The following TAP2 variants were observed in gnomAD, a reference collection of about 807,000 sequenced individuals.
The protein encoded by TAP2 is transporter 2, ATP binding cassette subfamily B member.
In TAP2, 49 loss-of-function variants were observed where a neutral mutation model predicts 74.7. The observed-to-expected ratio is 0.66, with a 90% CI of 0.52 to 0.83. The LOEUF is 0.83. Ranked by LOEUF, TAP2 falls within the 40% of genes least tolerant of loss-of-function variation. The pLI is 0.00. For synonymous variants in TAP2, 306 were observed against 368.4 expected, an observed-to-expected ratio of 0.83 and a Z score of 1.94; for missense variants, 739 against 859.0, an observed-to-expected ratio of 0.86 and a Z score of 1.75.
rs367873759 is a variant in TAP2 at position 32,835,044 on chromosome 6, G to A, written c.945+110C>T. On this transcript the variant is annotated intron_variant, in intron 5 of 11. Coordinates refer to ENST00000374897, the MANE Select transcript of TAP2 (RefSeq NM_001290043.2). This position sits in a 1 kb window ranked among gnomAD's most constrained non-coding sequence, Gnocchi z 4.0. The stretch of plus-strand genomic sequence containing the variant: ...ACTACAATATACCTTCTCCCCTAAT[G>A]GCTGAGAAGAGAACATCTCTCTCTA... The A allele has an allele frequency of 2.6e-6, 3 of 1,158,760 alleles. No homozygotes were observed. Among genetic ancestry groups the A allele is most frequent in the South Asian group, 1.3e-5 (1 of 77,342 alleles). The allele number at this position is 1,158,760 out of a possible 1,614,324, so 71.8% of individuals were successfully genotyped here.
chr6:32,838,526 A>G (rs567643862), intron 1 of TAP2, 127 bp downstream of exon 1: 10 of 372,108 alleles, frequency 2.7e-5, no homozygotes, highest in Non-Finnish European at 4.3e-5. Context: ...GCGGCGAGCT[A>G]AGTGGTCCGG....
chr6:32,832,910 T>G lies in TAP2; in HGVS notation c.946-86A>C, dbSNP rs562825799. 1.4e-6 allele frequency: 2 copies of G among 1,433,620 alleles called. No individual in the cohort carries two copies. The highest frequency in any genetic ancestry group is 2.3e-5 in the South Asian group (2 of 86,490). The allele number at this position is 1,433,620 out of a possible 1,614,324, so 88.8% of individuals were successfully genotyped here. ...TTACTCCAGCCAGTGAGATGCTCCC[T>G]AGTCTACCTAAAAATACCAAACTGT... On this transcript the variant is annotated intron_variant, in intron 5 of 11. Coordinates refer to ENST00000374897, the MANE Select transcript of TAP2 (RefSeq NM_001290043.2). This position sits in a 1 kb window ranked among gnomAD's most constrained non-coding sequence, Gnocchi z 5.9.
chr6:32,829,680 C>G (rs942337003), intron 10 of TAP2, 144 bp from the exon 11 acceptor site: 30 of 1,362,590 alleles, frequency 2.2e-5, no homozygotes, highest in Non-Finnish European at 3.1e-5. Context: ...GGGAGGAGGG[C>G]CATGGGGTGG....
In TAP2 at chr6:32,827,685, C is replaced by G. The variant is rs187562510; in HGVS notation, c.*1221G>C. The G allele has an allele frequency of 5.4e-6, 5 of 934,252 alleles. No homozygotes were observed. Among genetic ancestry groups the G allele is most frequent in the Non-Finnish European group, 5.1e-6 (4 of 784,266 alleles). The allele number at this position is 934,252 out of a possible 1,614,324, so 57.9% of individuals were successfully genotyped here. A position where few individuals can be genotyped will look rare whatever the true frequency, so the allele number is the denominator to read the frequency against. On this transcript the variant is annotated 3_prime_UTR_variant, in exon 12 of 12. Coordinates refer to ENST00000374897, the MANE Select transcript of TAP2 (RefSeq NM_001290043.2). ...GGTGTTGGGGAAGGCAGAAGTTTGT[C>G]GTGGAGCTGGATACAACAGGAGAGG...
At position 32,835,505 on chromosome 6, in the gene TAP2, C is replaced by T. The variant is rs1769357503; in HGVS notation, c.739+138G>A. The T allele has an allele frequency of 2.7e-6, 4 of 1,464,120 alleles. No individual in the cohort carries two copies. Among genetic ancestry groups the T allele is most frequent in the Non-Finnish European group, 3.8e-6 (4 of 1,060,644 alleles). 90.7% of individuals were successfully genotyped at this position (1,464,120 alleles called of 1,614,324 possible). A position where few individuals can be genotyped will look rare whatever the true frequency, so the allele number is the denominator to read the frequency against. On this transcript the variant is annotated intron_variant, in intron 4 of 11. Transcript: ENST00000374897. This position sits in a 1 kb window ranked among gnomAD's most constrained non-coding sequence, Gnocchi z 4.0. ...CAGAGGGACAGTGGAGGCTGCTTCTCCACCCTGTCCCAAACAAGAGAAAAG... is the reference window on the plus strand; with the variant it reads ...CAGAGGGACAGTGGAGGCTGCTTCTTCACCCTGTCCCAAACAAGAGAAAAG...
chr6:32,837,630 T>G lies in TAP2; in HGVS notation c.515A>C (p.Tyr172Ser), dbSNP rs777069495. The change falls in exon 3 of 12, where the codon TAT becomes TCT. Residue 172 changes from tyrosine to serine, a missense_variant. Tyr to Ser is a moderately radical substitution (Grantham distance 144). Transcript: ENST00000374897. ...AVLGETLIPHYSGRVIDILGG... is the reference protein window; with the variant it reads ...AVLGETLIPHSSGRVIDILGG... ...CAGGATGTCAATCACACGACCAGAA[T>G]AGTGAGGGATTAATGTCTCACCTGA... 1 of 1,613,930 alleles carries G rather than the reference T, an allele frequency of 6.2e-7. No individual in the cohort carries two copies. Among genetic ancestry groups the G allele is most frequent in the Non-Finnish European group, 8.5e-7 (1 of 1,180,008 alleles).
At chr6:32,822,304 C>T (rs781373810), downstream of TAP2, 5 of 1,546,028 alleles carry the variant, frequency 3.2e-6, no homozygotes, top group Non-Finnish European at 4.4e-6. Context: ...ATATCATGAA[C>T]TTCCAAAGGG....
In TAP2 at chr6:32,830,266, C is replaced by T; in HGVS notation, c.1635+1G>A. On this transcript the variant is annotated splice_donor_variant, in intron 9 of 11. Transcript: ENST00000374897. LOFTEE classifies it high-confidence loss of function. ...CCCCTGTCTTCTCCCTCCTCACCCA[C>T]CTGGCTGTGCAGGTAGCAGTGTTCA... 1 of 1,613,140 alleles carries T rather than the reference C, an allele frequency of 6.2e-7. No homozygotes were observed. The highest frequency in any genetic ancestry group is 8.5e-7 in the Non-Finnish European group (1 of 1,180,022).
At chr6:32,822,572 C>G (rs1768354768), downstream of TAP2, among the ~76,000 whole-genome samples, 1 of 152,196 alleles carries the variant, frequency 6.6e-6, no homozygotes, top group South Asian at 2.1e-4. Context: ...CAAGGCCTCA[C>G]TCTGTTGCCC....
In TAP2 at chr6:32,837,898, G is replaced by A. The variant is rs55765602; in HGVS notation, c.336C>T (p.Ser112=). The change falls in exon 2 of 12, where the codon AGC becomes AGT. Residue 112 remains serine, a synonymous_variant. Coordinates refer to ENST00000374897, the MANE Select transcript of TAP2 (RefSeq NM_001290043.2). ...GGCTCAGAACAGCCCACAGTGACCAGCTGAGCCCCGCAGCCCCGTACCCCA... is the reference window on the plus strand; with the variant it reads ...GGCTCAGAACAGCCCACAGTGACCAACTGAGCCCCGCAGCCCCGTACCCCA... ...LLVGYGAAGL[S]WSLWAVLSPP... 1,085 of 1,613,026 alleles carry A rather than the reference G, an allele frequency of 6.7e-4. 18 individuals are homozygous for A. The East Asian group carries it at 0.023, about 35-fold the overall frequency.
Position 32,828,681 on chromosome 6 carries a change from A to ACCCCCCCCCCCCC in TAP2, c.*224_*225insGGGGGGGGGGGGG. On this transcript the variant is annotated 3_prime_UTR_variant, in exon 12 of 12. Coordinates refer to ENST00000374897, the MANE Select transcript of TAP2 (RefSeq NM_001290043.2). ...AGTTTCCTGGACACAGACAGCCCCC[A>ACCCCCCCCCCCCC]CCCCACCCCACCCCACCTCTCTACC... The ACCCCCCCCCCCCC allele has an allele frequency of 6.6e-6, 4 of 606,162 alleles. No individual in the cohort carries two copies. The highest frequency in any genetic ancestry group is 8.0e-6 in the Non-Finnish European group (4 of 497,966). 37.5% of individuals were successfully genotyped at this position (606,162 alleles called of 1,614,324 possible).
At chr6:32,829,163 T>C in intron 11 of TAP2, 129 bp from the exon 12 acceptor site, 1 of 1,492,356 alleles carries the variant, frequency 6.7e-7, no homozygotes, top group Non-Finnish European at 9.0e-7. Flanking sequence ...GGGCAGTAGA[T>C]AAAGGCCTGG....
downstream of TAP2, chr6:32,822,322 GAA>G: frequency 2.3e-6 from 3 of 1,326,650 alleles, no homozygotes; most frequent in Non-Finnish European, 2.0e-6. Flanking sequence ...GGGTTTTCTA[GAA>G]AAAAAAAACA....
In TAP2 at chr6:32,828,681, A is replaced by ACCCCACCC; in HGVS notation, c.*217_*224dup. Reference sequence around the variant, plus strand: ...AGTTTCCTGGACACAGACAGCCCCCACCCCACCCCACCCCACCTCTCTACC... The same window carrying ACCCCACCC: ...AGTTTCCTGGACACAGACAGCCCCCACCCCACCCCCCCACCCCACCCCACCTCTCTACC... On this transcript the variant is annotated 3_prime_UTR_variant, in exon 12 of 12. Coordinates refer to ENST00000374897, the MANE Select transcript of TAP2 (RefSeq NM_001290043.2). 1 of 606,174 alleles carries ACCCCACCC rather than the reference A, an allele frequency of 1.6e-6. No homozygotes were observed. Among genetic ancestry groups the ACCCCACCC allele is most frequent in the Non-Finnish European group, 2.0e-6 (1 of 497,976 alleles). The allele number at this position is 606,174 out of a possible 1,614,324, so 37.5% of individuals were successfully genotyped here. A position where few individuals can be genotyped will look rare whatever the true frequency, so the allele number is the denominator to read the frequency against.
chr6:32,828,675 G>GCCCGCC lies in TAP2; in HGVS notation c.*230_*231insGGCGGG. 29 of 884,210 alleles carry GCCCGCC rather than the reference G, an allele frequency of 3.3e-5. No homozygotes were observed. The highest frequency in any genetic ancestry group is 9.8e-5 in the East Asian group (1 of 10,252). The allele number at this position is 884,210 out of a possible 1,614,324, so 54.8% of individuals were successfully genotyped here. The stretch of plus-strand genomic sequence containing the variant: ...GAATTAAGTTTCCTGGACACAGACA[G>GCCCGCC]CCCCCACCCCACCCCACCCCACCTC... On this transcript the variant is annotated 3_prime_UTR_variant, in exon 12 of 12. Transcript: ENST00000374897.
Position 32,837,584 on chromosome 6 carries a change from A to G in TAP2, c.561T>C (p.His187=). Residue 187 remains histidine, a synonymous_variant, in exon 3 of 12, where the codon CAT becomes CAC. Coordinates refer to ENST00000374897, the MANE Select transcript of TAP2 (RefSeq NM_001290043.2). ...TGAAGAAGATGGCACTGGCAAAGGCATGGGGGTCAAAATCACCTCCCAGGA... is the reference window on the plus strand; with the variant it reads ...TGAAGAAGATGGCACTGGCAAAGGCGTGGGGGTCAAAATCACCTCCCAGGA... ...IDILGGDFDP[H]AFASAIFFMC... The G allele has an allele frequency of 6.2e-7, 1 of 1,614,162 alleles. No homozygotes were observed.
rs754179497 is a variant in TAP2, at chr6:32,826,222, G to T, written c.*2684C>A. The T allele has an allele frequency of 7.1e-6, 7 of 985,280 alleles. No homozygotes were observed. The highest frequency in any genetic ancestry group is 8.4e-6 in the Non-Finnish European group (7 of 829,948). The allele number at this position is 985,280 out of a possible 1,614,324, so 61.0% of individuals were successfully genotyped here. A position where few individuals can be genotyped will look rare whatever the true frequency, so the allele number is the denominator to read the frequency against. ...GTGGATTACAAGTGGCTATCCCTGG[G>T]TGGAGGCATAAAGGACTTGAAACTC... On this transcript the variant is annotated 3_prime_UTR_variant, in exon 12 of 12. Coordinates refer to ENST00000374897, the MANE Select transcript of TAP2 (RefSeq NM_001290043.2).
chr6:32,827,202 T>C lies in TAP2; in HGVS notation c.*1704A>G, dbSNP rs1768709175. ...CTGTTTCCAGGAATATGAAGGTTTC[T>C]CTTTCCTAGAATAGCAACTTTCCAA... On this transcript the variant is annotated 3_prime_UTR_variant, in exon 12 of 12. Coordinates refer to ENST00000374897, the MANE Select transcript of TAP2 (RefSeq NM_001290043.2). The C allele has an allele frequency of 1.0e-6, 1 of 985,410 alleles. No homozygotes were observed. Among genetic ancestry groups the C allele is most frequent in the Non-Finnish European group, 1.2e-6 (1 of 829,950 alleles). The allele number at this position is 985,410 out of a possible 1,614,324, so 61.0% of individuals were successfully genotyped here. A position where few individuals can be genotyped will look rare whatever the true frequency, so the allele number is the denominator to read the frequency against.
rs1769155476 is a variant in TAP2, at chr6:32,832,555, C to T, written c.1143+72G>A. On this transcript the variant is annotated intron_variant, in intron 6 of 11. Coordinates refer to ENST00000374897, the MANE Select transcript of TAP2 (RefSeq NM_001290043.2). The surrounding 1 kb of genome is among the most constrained non-coding windows in gnomAD (Gnocchi z 5.9). ...GACTGAGCTGCAAAGGCCTCTAGAA[C>T]CAGCTGTAGTTTCCTCTTCCCTTGC... The T allele has an allele frequency of 1.9e-6, 3 of 1,612,270 alleles. No individual in the cohort carries two copies. The East Asian group carries it at 6.7e-5, about 36-fold the overall frequency.
Sources: allele counts gnomAD v4.1 joint callset (sites outside exome capture counted in the v4.1 genomes callset), GRCh38; gene constraint gnomAD v4.1.1; non-coding constraint Gnocchi (gnomAD v3.1); transcripts MANE v1.5; gene names NCBI Gene and HGNC (gene_info 2026-07-23, HGNC 2026-07-21).